CHRNA4: variants seen among roughly 807,000 people sequenced by gnomAD.
CHRNA4 encodes the protein cholinergic receptor nicotinic alpha 4 subunit.
In CHRNA4, 28 loss-of-function variants were observed where a neutral mutation model predicts 48.9. The ratio of observed to expected loss-of-function variants is 0.57; its 90% CI spans 0.42 to 0.79. CHRNA4 has a LOEUF of 0.79. Ranked by LOEUF, CHRNA4 falls within the 30% of genes least tolerant of loss-of-function variation. CHRNA4 has a pLI of 0.00. For missense variants in CHRNA4, 859 were observed against 898.4 expected (o/e 0.96, Z 0.56); for synonymous variants, 425 against 402.3 (o/e 1.06, Z -0.68).
chr20:63,358,842 A>G (rs1475115405), intron 2 of CHRNA4, among the ~76,000 whole-genome samples: 2 of 151,934 alleles, frequency 1.3e-5, no homozygotes, highest in African/African-American at 4.8e-5. Flanking sequence ...AGACCCCCAG[A>G]CAGTCTGGCT....
rs201869834 is a variant in CHRNA4, at chr20:63,346,319, G to C, written c.*419C>G. 2 of 456,352 alleles carry C rather than the reference G, an allele frequency of 4.4e-6. No individual in the cohort carries two copies. Among genetic ancestry groups the C allele is most frequent in the Non-Finnish European group, 8.8e-6 (2 of 228,294 alleles). 28.3% of individuals were successfully genotyped at this position (456,352 alleles called of 1,614,324 possible). A position where few individuals can be genotyped will look rare whatever the true frequency, so the allele number is the denominator to read the frequency against. ...AGAGGCGGCCGGGCCTCCAGAAGAC[G>C]GGGCGCTTGGGGCTGAAGGGGCGTG... On this transcript the variant is annotated 3_prime_UTR_variant, in exon 6 of 6. Coordinates refer to ENST00000370263, the MANE Select transcript of CHRNA4 (RefSeq NM_000744.7).
chr20:63,359,964 C>A, intron 1 of CHRNA4: 1 of 403,968 alleles, frequency 2.5e-6, no homozygotes, highest in East Asian at 5.2e-5. Context: ...TCTTGGCCTC[C>A]GGCTCTCTCC....
chr20:63,355,602 A>G, intron 4 of CHRNA4: 1 of 1,308,420 alleles, frequency 7.6e-7, no homozygotes. Flanking sequence ...GCAGCTGTCA[A>G]GGGTGGGGGC....
rs759709727 is a variant in CHRNA4 at position 63,350,478 on chromosome 20, C to G, written c.933G>C (p.Leu311=). The change falls in exon 5 of 6, where the codon CTG becomes CTC. Residue 311 remains leucine, a synonymous_variant. Transcript: ENST00000370263. Reference sequence around the variant, plus strand: ...ACAGGGTGACGAAGATCATGGTGAACAGCAGGTACTCGCCGATGAGTGGGA... The same window carrying G: ...ACAGGGTGACGAAGATCATGGTGAAGAGCAGGTACTCGCCGATGAGTGGGA... ...LVIPLIGEYL[L]FTMIFVTLSI... is the part of the protein sequence containing the mutation. 5 of 1,613,650 alleles carry G rather than the reference C, an allele frequency of 3.1e-6. No homozygotes were observed. The African/African-American group carries it at 4.0e-5, about 13-fold the overall frequency.
chr20:63,345,167 G>T lies in CHRNA4; in HGVS notation c.*1571C>A. 1 of 452,880 alleles carries T rather than the reference G, an allele frequency of 2.2e-6. No homozygotes were observed. Among genetic ancestry groups the T allele is most frequent in the South Asian group, 1.6e-5 (1 of 64,398 alleles). 28.1% of individuals were successfully genotyped at this position (452,880 alleles called of 1,614,324 possible). A position where few individuals can be genotyped will look rare whatever the true frequency, so the allele number is the denominator to read the frequency against. ...CCTCAATTATTCATTCTGCTCTCAG[G>T]CACCTCCTGACGAGACCCTGGCCCA... On this transcript the variant is annotated 3_prime_UTR_variant, in exon 6 of 6. Coordinates refer to ENST00000370263, the MANE Select transcript of CHRNA4 (RefSeq NM_000744.7). This position sits in a 1 kb window ranked among gnomAD's most constrained non-coding sequence, Gnocchi z 5.4.
At chr20:63,349,553 A>T in intron 5 of CHRNA4, 100 bp downstream of exon 5, 2 of 1,483,286 alleles carry the variant, frequency 1.3e-6, no homozygotes, top group Non-Finnish European at 1.9e-6. Flanking sequence ...AAGCAGCCTG[A>T]GGCCTGGGCC....
chr20:63,358,311 TG>T (rs1407620126), intron 2 of CHRNA4, among the ~76,000 whole-genome samples: 6 of 152,166 alleles, frequency 3.9e-5, no homozygotes, highest in Middle Eastern at 3.2e-3. Context: ...CAAAAGCCCC[TG>T]GGGTGTGGCC....
Position 63,361,135 on chromosome 20 carries a change from G to C in CHRNA4, c.31C>G (p.Leu11Val), listed in dbSNP as rs1330153997. Reference protein sequence around the residue: MELGGPGAPRLLPPLLLLLGT... With the variant: MELGGPGAPRVLPPLLLLLGT... The stretch of plus-strand genomic sequence containing the variant: ...AGAAGCAGCAGCAGCGGCGGCAGCA[G>C]CCGCGGCGCTCCGGGGCCCCCTAGC... Residue 11 changes from leucine (L) to valine (V), a missense_variant, in exon 1 of 6, where the codon CTG (leucine) becomes GTG (valine). Physicochemically the swap from Leu to Val is conservative, Grantham distance 32. Transcript: ENST00000370263. The C allele has an allele frequency of 6.8e-7, 1 of 1,478,956 alleles. No homozygotes were observed. Among genetic ancestry groups the C allele is most frequent in the Admixed American group, 2.3e-5 (1 of 44,030 alleles). 91.6% of individuals were successfully genotyped at this position (1,478,956 alleles called of 1,614,324 possible).
intron 2 of CHRNA4, among the ~76,000 whole-genome samples, chr20:63,358,005 G>A (rs2068744860): frequency 6.6e-6 from 1 of 152,176 alleles, no homozygotes; most frequent in Non-Finnish European, 1.5e-5. Flanking sequence ...CAGACCCAGA[G>A]CCTTGGGCAG....
chr20:63,350,968 C>A lies in CHRNA4; in HGVS notation c.443G>T (p.Arg148Leu). The change falls in exon 5 of 6, where the codon CGG (arginine) becomes CTG (leucine). Residue 148 changes from arginine to leucine, a missense_variant. Physicochemically the swap from Arg to Leu is moderately radical, Grantham distance 102. Around this residue, in one of 3 missense-constraint regions of CHRNA4, gnomAD observed 342 missense variants for 365.3 expected, o/e 0.94. Transcript: ENST00000370263. ...AATGGCCGGGGGAGTCCACTGCACC[C>A]GCCCGTCATGGAACAGGTGGGCCTT... ...LTKAHLFHDG[R>L]VQWTPPAIYK... The A allele has an allele frequency of 6.2e-7, 1 of 1,613,728 alleles. No individual in the cohort carries two copies. The highest frequency in any genetic ancestry group is 1.1e-5 in the South Asian group (1 of 91,088).
At chr20:63,359,400 G>A in intron 2 of CHRNA4, 148 bp downstream of exon 2, 1 of 1,005,410 alleles carries the variant, frequency 9.9e-7, no homozygotes, top group Non-Finnish European at 1.5e-6. Context: ...GGCAGAGCTG[G>A]TGGCTGTCGT....
In CHRNA4 at chr20:63,345,595, G is replaced by A. The variant is rs200236966; in HGVS notation, c.*1143C>T. 4.4e-6 allele frequency: 2 copies of A among 450,046 alleles called. No individual in the cohort carries two copies. Among genetic ancestry groups the A allele is most frequent in the Admixed American group, 2.4e-5 (1 of 42,452 alleles). The allele number at this position is 450,046 out of a possible 1,614,324, so 27.9% of individuals were successfully genotyped here. The stretch of plus-strand genomic sequence containing the variant: ...TGCTGAGCTCTGCCTGCCCTGCCAG[G>A]ACGGAGGGCATGGGCCTGTGTGGAA... On this transcript the variant is annotated 3_prime_UTR_variant, in exon 6 of 6. Coordinates refer to ENST00000370263, the MANE Select transcript of CHRNA4 (RefSeq NM_000744.7). The surrounding 1 kb of genome is among the most constrained non-coding windows in gnomAD (Gnocchi z 5.4).
At chr20:63,354,726 C>T (rs575865490) in intron 4 of CHRNA4, 18 of 891,438 alleles carry the variant, frequency 2.0e-5, no homozygotes, top group Middle Eastern at 5.7e-4. Flanking sequence ...CTTCTCTGCC[C>T]GGCCCATCCT....
intron 5 of CHRNA4, among the ~76,000 whole-genome samples, chr20:63,348,751 C>T (rs572911174): frequency 3.3e-5 from 5 of 150,804 alleles, no homozygotes; most frequent in African/African-American, 4.9e-5. Context: ...GTGCCCCACC[C>T]GTCCCGCCCC....
In CHRNA4 at chr20:63,349,751, G is replaced by A. The variant is rs771612422; in HGVS notation, c.1660C>T (p.Pro554Ser). 2 of 1,612,194 alleles carry A rather than the reference G, an allele frequency of 1.2e-6. No individual in the cohort carries two copies. ...GGCGACAGGGGCAGGTGCGGGGGCG[G>A]CGCTTTGGTGCTGCGGGTCTTGACC... The part of the protein sequence containing the change: ...ATVKTRSTKA[P>S]PPHLPLSPAL... Residue 554 changes from proline (P) to serine (S), a missense_variant, in exon 5 of 6, where the codon CCG becomes TCG. By Grantham distance (74) the Pro-to-Ser change is moderately conservative. Around this residue, in one of 3 missense-constraint regions of CHRNA4, gnomAD observed 478 missense variants for 455.4 expected, o/e 1.05. Transcript: ENST00000370263.
rs747883053 is a variant in CHRNA4 at position 63,349,891 on chromosome 20, G to A, written c.1520C>T (p.Ala507Val). 18 of 1,593,014 alleles carry A rather than the reference G, an allele frequency of 1.1e-5. No individual in the cohort carries two copies. The Admixed American group carries it at 2.9e-4, about 26-fold the overall frequency. ...DAAPEADGQA[A>V]GALASRNTHS... ...GGTGTTGCGAGAGGCCAGGGCGCCG[G>A]CAGCCTGGCCATCTGCCTCGGGGGC... Residue 507 changes from alanine to valine, a missense_variant, in exon 5 of 6, where the codon GCC (alanine) becomes GTC (valine). Ala to Val is a moderately conservative substitution (Grantham distance 64). Around this residue, in one of 3 missense-constraint regions of CHRNA4, gnomAD observed 478 missense variants for 455.4 expected, o/e 1.05. Transcript: ENST00000370263.
intron 5 of CHRNA4, 168 bp from the exon 6 acceptor site, chr20:63,347,031 G>A: frequency 1.1e-6 from 1 of 937,630 alleles, no homozygotes; most frequent in African/African-American, 1.6e-5. Flanking sequence ...GGGAGGAATT[G>A]GGGTGCACGG....
chr20:63,359,802 A>G (rs986041867), intron 1 of CHRNA4, 103 bp from the exon 2 acceptor site: 18 of 1,380,918 alleles, frequency 1.3e-5, no homozygotes, highest in Non-Finnish European at 1.7e-5. Flanking sequence ...CAGCACGTCC[A>G]CTTCCTTTCA....
rs150607204 is a variant in CHRNA4, at chr20:63,349,386, C to G, written c.1758+267G>C. ...TGTGGCCCCTCACCGTGCCGTCCGC[C>G]GAGGCCCACTGTGTCCCAAAGCCAG... On this transcript the variant is annotated intron_variant, in intron 5 of 5. Transcript: ENST00000370263. 201 of 578,156 alleles carry G rather than the reference C, an allele frequency of 3.5e-4. 2 individuals carry two copies. The highest frequency in any genetic ancestry group is 3.2e-3 in the African/African-American group (174 of 53,566). 35.8% of individuals were successfully genotyped at this position (578,156 alleles called of 1,614,324 possible).
Sources: allele counts gnomAD v4.1 joint callset (sites outside exome capture counted in the v4.1 genomes callset), GRCh38; gene constraint gnomAD v4.1.1; regional missense constraint gnomAD v4.1.1; non-coding constraint Gnocchi (gnomAD v3.1); transcripts MANE v1.5; gene names NCBI Gene and HGNC (gene_info 2026-07-23, HGNC 2026-07-21).